The following AP3B1 variants were observed in gnomAD, a reference collection of about 807,000 sequenced individuals.
AP3B1 encodes AP-3 complex subunit beta-1.
In AP3B1, 61 loss-of-function variants were observed where a neutral mutation model predicts 132.5. That is an observed-to-expected ratio of 0.46 (90% CI 0.37 to 0.57). The LOEUF is 0.57. AP3B1 is among the 20% of genes least tolerant of loss of function. The pLI is 0.00. For missense variants in AP3B1, 1,120 were observed against 1,289.4 expected (o/e 0.87, Z 2.01); for synonymous variants, 388 against 438.3 (o/e 0.89, Z 1.43).
At chr5:78,189,888 TA>T (rs1744757625) in intron 7 of AP3B1, among the ~76,000 whole-genome samples, 1 of 115,934 alleles carries the variant, frequency 8.6e-6, no homozygotes, top group Non-Finnish European at 1.8e-5. Context: ...TAAAATAAAA[TA>T]AAATAAAATA....
intron 13 of AP3B1, among the ~76,000 whole-genome samples, chr5:78,161,015 G>T (rs913772784): frequency 1.3e-5 from 2 of 151,422 alleles, no homozygotes; most frequent in Non-Finnish European, 3.0e-5. Context: ...AAAAAACCAT[G>T]ATTAAGAGTT....
At chr5:78,264,315 T>C (rs977934941) in intron 2 of AP3B1, among the ~76,000 whole-genome samples, 2 of 152,204 alleles carry the variant, frequency 1.3e-5, no homozygotes, top group Non-Finnish European at 2.9e-5. Flanking sequence ...GTTCAGAATT[T>C]TGAATTTACA....
At chr5:78,236,723 T>G (rs1436120575) in intron 3 of AP3B1, among the ~76,000 whole-genome samples, 1 of 152,190 alleles carries the variant, frequency 6.6e-6, no homozygotes, top group African/African-American at 2.4e-5. Context: ...TTATTCCTAT[T>G]GCTACTAAGA....
At chr5:78,212,704 G>C (rs1316659666) in intron 7 of AP3B1, among the ~76,000 whole-genome samples, 1 of 152,130 alleles carries the variant, frequency 6.6e-6, no homozygotes, top group Non-Finnish European at 1.5e-5. Flanking sequence ...GCCTCTGCTA[G>C]AGTACTGTTT....
intron 22 of AP3B1, among the ~76,000 whole-genome samples, chr5:78,062,895 T>C (rs1397934766): frequency 2.0e-5 from 3 of 152,170 alleles, no homozygotes; most frequent in African/African-American, 7.2e-5. Flanking sequence ...GGGCACCAAA[T>C]GAACAAATTA....
chr5:78,010,940 G>T (rs1039741376), intron 26 of AP3B1, among the ~76,000 whole-genome samples: 1 of 151,850 alleles, frequency 6.6e-6, no homozygotes, highest in African/African-American at 2.4e-5. Context: ...AATGCTTTTT[G>T]ATGATGATGG....
intron 1 of AP3B1, among the ~76,000 whole-genome samples, chr5:78,284,454 T>C (rs1490889194): frequency 6.6e-6 from 1 of 152,194 alleles, no homozygotes; most frequent in Non-Finnish European, 1.5e-5. Flanking sequence ...CTCATTTGTA[T>C]ACCTTAGTTG....
chr5:78,153,806 C>T (rs1743001701), intron 14 of AP3B1, among the ~76,000 whole-genome samples: 1 of 152,140 alleles, frequency 6.6e-6, no homozygotes, highest in South Asian at 2.1e-4. Flanking sequence ...GATGACAACA[C>T]TGATTGCATA....
At chr5:78,277,163 T>C (rs1580581754) in intron 1 of AP3B1, among the ~76,000 whole-genome samples, 1 of 152,174 alleles carries the variant, frequency 6.6e-6, no homozygotes, top group East Asian at 1.9e-4. Context: ...AAAACTACAA[T>C]AGAGAAAAAT....
intron 20 of AP3B1, among the ~76,000 whole-genome samples, chr5:78,104,435 A>G (rs1364737600): frequency 6.6e-6 from 1 of 152,158 alleles, no homozygotes; most frequent in African/African-American, 2.4e-5. Context: ...ACTGCAATTG[A>G]ATAATATTTT....
intron 19 of AP3B1, among the ~76,000 whole-genome samples, chr5:78,112,439 G>A (rs1751635583): frequency 6.6e-6 from 1 of 152,096 alleles, no homozygotes; most frequent in Non-Finnish European, 1.5e-5. Context: ...TCAAACATGG[G>A]TAAAGAGAAA....
intron 8 of AP3B1, among the ~76,000 whole-genome samples, chr5:78,181,008 A>G (rs1167072825): frequency 1.3e-5 from 2 of 152,054 alleles, no homozygotes. Flanking sequence ...TACATTTATA[A>G]TATGTGAGGC....
chr5:78,273,447 C>T (rs565464727), intron 1 of AP3B1, among the ~76,000 whole-genome samples: 1 of 152,102 alleles, frequency 6.6e-6, no homozygotes. Flanking sequence ...CTTTTTCCCT[C>T]AGTACATTTC....
chr5:78,278,627 G>GAAA (rs1561217276), intron 1 of AP3B1, among the ~76,000 whole-genome samples: 2,346 of 30,316 alleles, frequency 0.077, 233 homozygotes, highest in Non-Finnish European at 0.11. Flanking sequence ...AAAAAAAAAG[G>GAAA]GGGGGGGGGA....
rs563297828 is a variant in AP3B1 at position 78,073,284 on chromosome 5, T to C, written c.2577+16109A>G. On this transcript the variant is annotated intron_variant, in intron 22 of 26. Transcript: ENST00000255194. Reference sequence around the variant, plus strand: ...TTAGAATAAGAATTATTAATTTCCATACCATGCCCTGCCCTGTGTTCAGAA... The same window carrying C: ...TTAGAATAAGAATTATTAATTTCCACACCATGCCCTGCCCTGTGTTCAGAA... Among the ~76,000 whole-genome samples, 24 of 152,340 alleles carry C rather than the reference T, an allele frequency of 1.6e-4. No individual in the cohort carries two copies. In the South Asian group the frequency reaches 3.7e-3, roughly 24 times the overall value.
chr5:78,175,965 A>G, intron 9 of AP3B1, 127 bp from the exon 10 acceptor site: 1 of 794,484 alleles, frequency 1.3e-6, no homozygotes, highest in Non-Finnish European at 2.1e-6. Context: ...GTAATAATGA[A>G]AAGTTTTTAG....
intron 2 of AP3B1, among the ~76,000 whole-genome samples, chr5:78,246,879 T>C (rs540658219): frequency 1.3e-5 from 2 of 152,304 alleles, no homozygotes; most frequent in African/African-American, 4.8e-5. Context: ...TAATTTGCTC[T>C]TCTATTTCTG....
chr5:78,292,192 T>C (rs1749553430), intron 1 of AP3B1, among the ~76,000 whole-genome samples: 1 of 152,174 alleles, frequency 6.6e-6, no homozygotes, highest in African/African-American at 2.4e-5. Context: ...ATATAAACTT[T>C]GTCATTCGAT....
intron 3 of AP3B1, among the ~76,000 whole-genome samples, chr5:78,237,914 T>C (rs1359859063): frequency 6.6e-6 from 1 of 152,246 alleles, no homozygotes; most frequent in Non-Finnish European, 1.5e-5. Flanking sequence ...ACAATTTCAT[T>C]GTTGTGCAAA....
Sources: allele counts gnomAD v4.1 joint callset (sites outside exome capture counted in the v4.1 genomes callset), GRCh38; gene constraint gnomAD v4.1.1; transcripts MANE v1.5; gene names NCBI Gene and HGNC (gene_info 2026-07-23, HGNC 2026-07-21).